The following NALF1 variants were observed in gnomAD, a reference collection of about 807,000 sequenced individuals.
NALF1 encodes the protein family with sequence similarity 155 member A.
Under a neutral mutation model 48.4 loss-of-function variants are expected in NALF1, and 3 were observed. That is an observed-to-expected ratio of 0.06 (90% CI 0.03 to 0.16). The LOEUF (loss-of-function observed/expected upper bound fraction) is 0.16, where lower values mean the gene tolerates loss of function less well. Ranked by LOEUF, NALF1 falls within the 10% of genes least tolerant of loss-of-function variation. NALF1 has a pLI of 1.00. For missense variants in NALF1, 526 were observed against 571.5 expected (o/e 0.92, Z 0.81); for synonymous variants, 262 against 245.7 (o/e 1.07, Z -0.62).
intron 1 of NALF1, among the ~76,000 whole-genome samples, chr13:107,342,370 A>C (rs1012541681): frequency 2.2e-4 from 33 of 152,222 alleles, no homozygotes; most frequent in African/African-American, 8.0e-4. Context: ...AGTATATTTT[A>C]ATTGAATTAC....
intron 1 of NALF1, among the ~76,000 whole-genome samples, chr13:107,774,503 T>C (rs1877667027): frequency 1.3e-5 from 2 of 152,344 alleles, no homozygotes; most frequent in Middle Eastern, 3.4e-3. Flanking sequence ...ATTAACTATG[T>C]TGGCCAAATT....
intron 1 of NALF1, among the ~76,000 whole-genome samples, chr13:107,855,546 A>T (rs2138645821): frequency 6.6e-6 from 1 of 152,298 alleles, no homozygotes; most frequent in South Asian, 2.1e-4. Context: ...GTACCAAAGA[A>T]TTGTACACTT....
chr13:107,659,380 G>A (rs1387816214), intron 1 of NALF1, among the ~76,000 whole-genome samples: 1 of 152,068 alleles, frequency 6.6e-6, no homozygotes, highest in South Asian at 2.1e-4. Flanking sequence ...TTGGTCTCAA[G>A]TAGCATGTCT....
At chr13:107,336,105 AC>A (rs1157884723) in intron 1 of NALF1, among the ~76,000 whole-genome samples, 1 of 152,072 alleles carries the variant, frequency 6.6e-6, no homozygotes, top group African/African-American at 2.4e-5. Context: ...TAATAACAGC[AC>A]TTTGGGAGGC....
At chr13:107,748,702 G>C (rs984623921) in intron 1 of NALF1, among the ~76,000 whole-genome samples, 2 of 152,186 alleles carry the variant, frequency 1.3e-5, no homozygotes, top group Admixed American at 1.3e-4. Context: ...ATATTTAATT[G>C]AAGCTAGTGA....
At chr13:107,796,326 T>C (rs1024308052) in intron 1 of NALF1, among the ~76,000 whole-genome samples, 2 of 152,232 alleles carry the variant, frequency 1.3e-5, no homozygotes, top group African/African-American at 4.8e-5. Flanking sequence ...TTTTCTGGGA[T>C]TGCTCAGCTA....
intron 1 of NALF1, among the ~76,000 whole-genome samples, chr13:107,461,097 T>C (rs576546569): frequency 2.6e-5 from 4 of 152,168 alleles, no homozygotes; most frequent in African/African-American, 9.6e-5. Context: ...AATTATTTTG[T>C]TAAAAGAACC....
intron 1 of NALF1, among the ~76,000 whole-genome samples, chr13:107,772,373 A>C (rs1449762838): frequency 9.2e-5 from 14 of 152,178 alleles, no homozygotes; most frequent in Admixed American, 9.2e-4. Flanking sequence ...TAAAATATTG[A>C]GGTAAGTGGA....
intron 1 of NALF1, among the ~76,000 whole-genome samples, chr13:107,680,362 T>C (rs779030087): frequency 7.9e-5 from 12 of 152,072 alleles, no homozygotes; most frequent in South Asian, 4.2e-4. Context: ...CCCTGAAAGC[T>C]GAATTATTTT....
intron 1 of NALF1, among the ~76,000 whole-genome samples, chr13:107,456,052 C>T (rs1884820073): frequency 1.3e-5 from 2 of 152,102 alleles, no homozygotes; most frequent in Non-Finnish European, 2.9e-5. Flanking sequence ...AGAACAACTG[C>T]TAGATTGTAT....
intron 1 of NALF1, among the ~76,000 whole-genome samples, chr13:107,746,769 T>C (rs1187597643): frequency 6.6e-6 from 1 of 152,182 alleles, no homozygotes; most frequent in Non-Finnish European, 1.5e-5. Context: ...GCCCCTCTTT[T>C]CTGTTCCAAG....
At chr13:107,835,860 G>A (rs1879873493) in intron 1 of NALF1, among the ~76,000 whole-genome samples, 1 of 152,154 alleles carries the variant, frequency 6.6e-6, no homozygotes, top group Non-Finnish European at 1.5e-5. Flanking sequence ...TATAGATGAG[G>A]ATCGGGGTGA....
chr13:107,193,734 G>A (rs11839618), intron 2 of NALF1, among the ~76,000 whole-genome samples: 22 of 152,212 alleles, frequency 1.4e-4, no homozygotes, highest in African/African-American at 3.6e-4. Context: ...AGACTCTAGC[G>A]CCACGTGTCT....
chr13:107,372,067 C>T (rs777026961), intron 1 of NALF1, among the ~76,000 whole-genome samples: 41 of 151,892 alleles, frequency 2.7e-4, no homozygotes, highest in Non-Finnish European at 5.3e-4. Context: ...TGCCTTGGAG[C>T]GCAGCAAGAT....
At chr13:107,269,106 T>C (rs1881102074) in intron 1 of NALF1, among the ~76,000 whole-genome samples, 1 of 151,320 alleles carries the variant, frequency 6.6e-6, no homozygotes, top group African/African-American at 2.4e-5. Flanking sequence ...CAGATTGCAG[T>C]AAGCTATGAT....
At chr13:107,196,737 G>A (rs1879400230) in intron 2 of NALF1, among the ~76,000 whole-genome samples, 2 of 152,138 alleles carry the variant, frequency 1.3e-5, no homozygotes, top group Admixed American at 1.3e-4. Flanking sequence ...AGCAAATATG[G>A]AGGATGAACA....
At chr13:107,588,642 G>A (rs2138415841) in intron 1 of NALF1, among the ~76,000 whole-genome samples, 1 of 152,202 alleles carries the variant, frequency 6.6e-6, no homozygotes, top group Non-Finnish European at 1.5e-5. Context: ...AACTTTACTT[G>A]TGTATTTTTT....
chr13:107,636,690 G>A (rs1879984971), intron 1 of NALF1, among the ~76,000 whole-genome samples: 1 of 151,852 alleles, frequency 6.6e-6, no homozygotes, highest in African/African-American at 2.4e-5. Flanking sequence ...ATTTAAATCA[G>A]TCTTAATTTT....
intron 1 of NALF1, among the ~76,000 whole-genome samples, chr13:107,569,673 A>T (rs1251847331): frequency 6.6e-6 from 1 of 152,110 alleles, no homozygotes; most frequent in Admixed American, 6.5e-5. Flanking sequence ...AGGAAGAGTG[A>T]TTCTTCCCAT....
Sources: allele counts gnomAD v4.1 joint callset (sites outside exome capture counted in the v4.1 genomes callset), GRCh38; gene constraint gnomAD v4.1.1; transcripts MANE v1.5; gene names NCBI Gene and HGNC (gene_info 2026-07-23, HGNC 2026-07-21).